The following NELL1 variants were observed in gnomAD, a reference collection of about 807,000 sequenced individuals.
NELL1 encodes protein kinase C-binding protein NELL1.
In NELL1, 76 loss-of-function variants were observed where a neutral mutation model predicts 107.4. That is an observed-to-expected ratio of 0.71 (90% CI 0.59 to 0.86). The LOEUF is 0.86. Among genes scored for constraint, NELL1 ranks in the 40% least tolerant of loss-of-function variants. The pLI is 0.00. For missense variants in NELL1, 1,024 were observed against 1,005.5 expected (o/e 1.02, Z -0.25); for synonymous variants, 353 against 341.2 (o/e 1.03, Z -0.38).
chr11:20,672,184 C>T (rs1853930621), intron 1 of NELL1, among the ~76,000 whole-genome samples: 1 of 152,202 alleles, frequency 6.6e-6, no homozygotes, highest in Non-Finnish European at 1.5e-5. Context: ...GGAGGCAGCC[C>T]TCTGATTCTG....
At chr11:20,951,765 G>C (rs1403176346) in intron 11 of NELL1, among the ~76,000 whole-genome samples, 1 of 152,122 alleles carries the variant, frequency 6.6e-6, no homozygotes. Context: ...CATGGTCTCA[G>C]TCACACAACA....
intron 12 of NELL1, among the ~76,000 whole-genome samples, chr11:21,065,363 A>G (rs979068110): frequency 2.0e-5 from 3 of 152,064 alleles, no homozygotes; most frequent in African/African-American, 7.2e-5. Context: ...TTCTTGTACA[A>G]CTTATCTTGA....
chr11:21,365,806 G>C (rs1851205772), intron 14 of NELL1, among the ~76,000 whole-genome samples: 1 of 151,272 alleles, frequency 6.6e-6, no homozygotes, highest in Admixed American at 6.6e-5. Context: ...AAACTATTTT[G>C]GGGGAGAGGT....
intron 12 of NELL1, among the ~76,000 whole-genome samples, chr11:21,016,737 C>G (rs563875232): frequency 2.0e-5 from 3 of 152,220 alleles, no homozygotes; most frequent in African/African-American, 7.2e-5. Context: ...CACCTTCAGG[C>G]CACATCTCTA....
chr11:20,780,601 C>T (rs2133979349), intron 2 of NELL1, among the ~76,000 whole-genome samples: 1 of 152,280 alleles, frequency 6.6e-6, no homozygotes, highest in African/African-American at 2.4e-5. Flanking sequence ...TGAAACAAGA[C>T]TGTGATAAAT....
At chr11:20,695,110 A>G (rs1715291) in intron 2 of NELL1, among the ~76,000 whole-genome samples, 31,602 of 151,928 alleles carry the variant, frequency 0.21, 3,583 homozygotes, top group African/African-American at 0.27. Context: ...TTACTGTTAT[A>G]TAAAAATGTT....
chr11:21,110,883 T>C (rs538534146), intron 12 of NELL1, among the ~76,000 whole-genome samples: 1 of 152,270 alleles, frequency 6.6e-6, no homozygotes, highest in South Asian at 2.1e-4. Context: ...CTGATGAAAG[T>C]CTGAGCTCCT....
At chr11:20,687,759 T>C (rs1374554913) in intron 2 of NELL1, among the ~76,000 whole-genome samples, 1 of 151,772 alleles carries the variant, frequency 6.6e-6, no homozygotes, top group Non-Finnish European at 1.5e-5. Flanking sequence ...ACCCAGCTAA[T>C]TTTTTGTATT....
intron 13 of NELL1, among the ~76,000 whole-genome samples, chr11:21,182,286 T>C (rs1016403317): frequency 4.6e-5 from 7 of 151,448 alleles, no homozygotes; most frequent in African/African-American, 1.7e-4. Context: ...ATACAAAAAT[T>C]AGCCGGATGT....
chr11:21,170,367 A>G (rs935105181), intron 13 of NELL1, among the ~76,000 whole-genome samples: 2 of 151,758 alleles, frequency 1.3e-5, no homozygotes, highest in African/African-American at 4.9e-5. Flanking sequence ...AGTGGCAAGT[A>G]GAGACAAGAC....
intron 14 of NELL1, among the ~76,000 whole-genome samples, chr11:21,244,764 G>T (rs941996293): frequency 6.6e-6 from 1 of 152,100 alleles, no homozygotes; most frequent in Non-Finnish European, 1.5e-5. Flanking sequence ...GAGATTGTCC[G>T]TGTTCTACCT....
At chr11:21,417,281 G>A (rs1335037429) in intron 15 of NELL1, among the ~76,000 whole-genome samples, 6 of 151,806 alleles carry the variant, frequency 4.0e-5, no homozygotes, top group South Asian at 2.1e-4. Context: ...TGATAGTGCA[G>A]TATACCATAT....
intron 3 of NELL1, among the ~76,000 whole-genome samples, chr11:20,814,623 G>A (rs971255542): frequency 3.3e-5 from 5 of 152,150 alleles, no homozygotes; most frequent in South Asian, 2.1e-4. Context: ...TATAAAGGAC[G>A]TAATTTCATT....
In NELL1 at chr11:21,147,939, A is replaced by C. The variant is rs568355906; in HGVS notation, c.1426+34225A>C. On this transcript the variant is annotated intron_variant, in intron 13 of 19. Coordinates refer to ENST00000357134, the MANE Select transcript of NELL1 (RefSeq NM_006157.5). ...TGCTTTGGATTAGTTTGGCATTAGC[A>C]GAGGTACCCTAATGGAAAGTTAAGC... is the stretch of plus-strand genomic sequence containing the variant. 2.0e-4 allele frequency among the ~76,000 whole-genome samples: 30 copies of C among 151,974 alleles called. No homozygotes were observed. The South Asian group carries it at 6.0e-3, about 31-fold the overall frequency.
At chr11:21,267,443 G>T (rs908039832) in intron 14 of NELL1, among the ~76,000 whole-genome samples, 1 of 151,928 alleles carries the variant, frequency 6.6e-6, no homozygotes, top group Non-Finnish European at 1.5e-5. Flanking sequence ...TTCTCTCCAA[G>T]AAATGATGTT....
Position 21,505,886 on chromosome 11 carries a change from A to G in NELL1, c.1646-28488A>G, listed in dbSNP as rs4597065. On this transcript the variant is annotated intron_variant, in intron 15 of 19. Transcript: ENST00000357134. ...CATATATCTTCTGTGCCCAGTTTTTATTTATAGGAGCCTCTCACTAAATGA... is the reference window on the plus strand; with the variant it reads ...CATATATCTTCTGTGCCCAGTTTTTGTTTATAGGAGCCTCTCACTAAATGA... Among the ~76,000 whole-genome samples the G allele has an allele frequency of 0.014, 2,148 of 152,120 alleles. 152 individuals carry two copies. The East Asian group carries it at 0.23, about 16-fold the overall frequency.
chr11:20,707,016 A>G (rs963910493), intron 2 of NELL1, among the ~76,000 whole-genome samples: 8 of 152,140 alleles, frequency 5.3e-5, no homozygotes, highest in African/African-American at 1.9e-4. Flanking sequence ...TCAGATGTAG[A>G]CTTGGTCTTT....
At chr11:20,762,090 T>A (rs1856433544) in intron 2 of NELL1, among the ~76,000 whole-genome samples, 1 of 152,196 alleles carries the variant, frequency 6.6e-6, no homozygotes, top group Admixed American at 6.5e-5. Flanking sequence ...ACCATGTCTC[T>A]TAGAGTCAAT....
intron 13 of NELL1, among the ~76,000 whole-genome samples, chr11:21,205,583 T>C (rs1185846491): frequency 6.6e-6 from 1 of 152,188 alleles, no homozygotes; most frequent in East Asian, 1.9e-4. Context: ...CACTGAGCAC[T>C]TGGCTCCCTG....
Sources: gnomAD v4.1 joint callset for allele counts (sites outside exome capture counted in the v4.1 genomes callset) on GRCh38, gnomAD v4.1.1 for gene constraint, MANE v1.5 for transcripts, NCBI Gene and HGNC (gene_info 2026-07-23, HGNC 2026-07-21) for gene names.